Variants in AK6 observed in about 807,000 individuals in gnomAD.
The protein encoded by AK6 is adenylate kinase 6.
A neutral mutation model predicts 23.7 loss-of-function variants in AK6; 24 were observed. That is an observed-to-expected ratio of 1.01 (90% CI 0.73 to 1.43). AK6 has a LOEUF of 1.43. Ranked by LOEUF, AK6 falls within the 40% of genes most tolerant of loss-of-function variation. The pLI is 0.00. For missense variants in AK6, 191 were observed against 199.1 expected, an observed-to-expected ratio of 0.96 and a Z score of 0.24; for synonymous variants, 73 against 69.8, an observed-to-expected ratio of 1.05 and a Z score of -0.23.
chr5:69,361,599 G>A (rs1422408130), intron 2 of AK6, among the ~76,000 whole-genome samples: 2 of 150,458 alleles, frequency 1.3e-5, no homozygotes, highest in East Asian at 2.0e-4. Flanking sequence ...CAGCAACGCC[G>A]GACTGATTTT....
chr5:69,368,156 T>C (rs1246877016), intron 1 of AK6, among the ~76,000 whole-genome samples: 1 of 152,202 alleles, frequency 6.6e-6, no homozygotes, highest in African/African-American at 2.4e-5. Flanking sequence ...TGCATGTAAA[T>C]GTACATATAT....
At chr5:69,359,658 C>G (rs1762177777) in intron 2 of AK6, among the ~76,000 whole-genome samples, 2 of 152,194 alleles carry the variant, frequency 1.3e-5, no homozygotes, top group Non-Finnish European at 2.9e-5. Context: ...AACTTATATA[C>G]ACTCAAGTGA....
chr5:69,352,331 T>C, intron 4 of AK6, 78 bp from the exon 5 acceptor site: 2 of 1,163,858 alleles, frequency 1.7e-6, no homozygotes, highest in Non-Finnish European at 2.5e-6. Flanking sequence ...TACCAGAAAC[T>C]GGACACTTTT....
chr5:69,369,674 A>C, upstream of AK6: 1 of 1,556,132 alleles, frequency 6.4e-7, no homozygotes, highest in South Asian at 1.2e-5. Context: ...TCGATGACAC[A>C]TTTCCGTCGC....
chr5:69,363,838 A>G (rs1762310951), intron 2 of AK6, among the ~76,000 whole-genome samples: 1 of 152,146 alleles, frequency 6.6e-6, no homozygotes, highest in African/African-American at 2.4e-5. Flanking sequence ...CTGTAATCCC[A>G]GCACTCTGGG....
chr5:69,355,930 C>T lies in AK6; in HGVS notation c.145G>A (p.Glu49Lys), dbSNP rs1199444851. The change falls in exon 3 of 5, where the codon GAA becomes AAA. Residue 49 changes from glutamate to lysine, a missense_variant. Transcript: ENST00000380822. Reference sequence around the variant, plus strand: ...TCTAAAATGGGACAGTCATACTCTTCATCATAGCCATCATACAATTGCTCT... The same window carrying T: ...TCTAAAATGGGACAGTCATACTCTTTATCATAGCCATCATACAATTGCTCT... The part of the protein sequence containing the change: ...REEQLYDGYD[E>K]EYDCPILDED... The T allele has an allele frequency of 6.2e-7, 1 of 1,607,206 alleles. No individual in the cohort carries two copies. Among genetic ancestry groups the T allele is most frequent in the Non-Finnish European group, 8.5e-7 (1 of 1,178,182 alleles).
chr5:69,356,010 T>C, intron 2 of AK6, 57 bp from the exon 3 acceptor site: 1 of 1,418,088 alleles, frequency 7.1e-7, no homozygotes, highest in Non-Finnish European at 9.7e-7. Flanking sequence ...TTAAGTAATT[T>C]TCAATTAATT....
chr5:69,354,304 CT>C (rs1762025773), intron 4 of AK6, among the ~76,000 whole-genome samples: 1 of 152,088 alleles, frequency 6.6e-6, no homozygotes, highest in South Asian at 2.1e-4. Context: ...CTTTTAATGG[CT>C]TTTCACTGCC....
At chr5:69,360,221 C>A (rs904187391) in intron 2 of AK6, among the ~76,000 whole-genome samples, 1 of 152,168 alleles carries the variant, frequency 6.6e-6, no homozygotes, top group African/African-American at 2.4e-5. Context: ...GAAAGAGATA[C>A]TGAAGAAGTC....
intron 1 of AK6, chr5:69,369,236 GCCC>G (rs35387047): frequency 8.4e-6 from 1 of 119,284 alleles, no homozygotes; most frequent in Non-Finnish European, 1.6e-5. Context: ...ACCCCCCCCC[GCCC>G]CCCCCCGGAG....
At chr5:69,354,233 T>C (rs1034776415) in intron 4 of AK6, among the ~76,000 whole-genome samples, 1 of 152,174 alleles carries the variant, frequency 6.6e-6, no homozygotes, top group Admixed American at 6.5e-5. Flanking sequence ...AAATTTTAAA[T>C]TGTCTTGATT....
intron 2 of AK6, among the ~76,000 whole-genome samples, chr5:69,363,414 T>C (rs868113439): frequency 5.3e-5 from 8 of 152,368 alleles, no homozygotes; most frequent in South Asian, 2.1e-4. Flanking sequence ...TTGACTATTA[T>C]GTGACTCAGA....
intron 2 of AK6, chr5:69,365,556 G>C: frequency 6.2e-7 from 1 of 1,614,002 alleles, no homozygotes; most frequent in South Asian, 1.1e-5. Context: ...AGCTTTCTTA[G>C]CATGGCTTGA....
chr5:69,353,406 T>C (rs1214125960), intron 4 of AK6, among the ~76,000 whole-genome samples: 2 of 152,062 alleles, frequency 1.3e-5, no homozygotes, highest in African/African-American at 2.4e-5. Flanking sequence ...CAAGCAATTC[T>C]CCTGCCTCAG....
intron 2 of AK6, among the ~76,000 whole-genome samples, chr5:69,356,556 CAGA>C (rs1482377997): frequency 6.6e-6 from 1 of 151,596 alleles, no homozygotes; most frequent in African/African-American, 2.4e-5. Flanking sequence ...GAGGCTGAGG[CAGA>C]AGGATTGCTT....
intron 2 of AK6, among the ~76,000 whole-genome samples, chr5:69,362,969 T>A (rs1277591635): frequency 1.3e-5 from 2 of 151,998 alleles, no homozygotes; most frequent in Non-Finnish European, 2.9e-5. Flanking sequence ...GTGGCTCTCG[T>A]CTGCAATCCC....
chr5:69,364,490 A>G (rs1762333237), intron 2 of AK6, among the ~76,000 whole-genome samples: 1 of 152,204 alleles, frequency 6.6e-6, no homozygotes, highest in African/African-American at 2.4e-5. Context: ...ATGAATAAAA[A>G]TCCTGACCAA....
intron 1 of AK6, 28 bp downstream of exon 1, chr5:69,369,435 C>T: frequency 6.2e-7 from 1 of 1,608,838 alleles, no homozygotes; most frequent in Non-Finnish European, 8.5e-7. Context: ...CTGCCCCAGC[C>T]CAGTCCCTCC....
In AK6 at chr5:69,355,726, G is replaced by A; in HGVS notation, c.249C>T (p.Phe83=). 1 of 1,613,962 alleles carries A rather than the reference G, an allele frequency of 6.2e-7. No homozygotes were observed. Among genetic ancestry groups the A allele is most frequent in the Non-Finnish European group, 8.5e-7 (1 of 1,179,938 alleles). The change falls in exon 4 of 5, where the codon TTC becomes TTT. Residue 83 remains phenylalanine (F), a synonymous_variant. Coordinates refer to ENST00000380822, the MANE Select transcript of AK6 (RefSeq NM_016283.5). The stretch of plus-strand genomic sequence containing the variant: ...CTATATGAAACCAGCGTTCAGGGAA[G>A]AAATCACAACCATGGTAATCAACAA... ...GVIVDYHGCD[F]FPERWFHIVF...
Sources: allele counts gnomAD v4.1 joint callset (sites outside exome capture counted in the v4.1 genomes callset), GRCh38; gene constraint gnomAD v4.1.1; transcripts MANE v1.5; gene names NCBI Gene and HGNC (gene_info 2026-07-23, HGNC 2026-07-21).